Variants in ACOXL observed in about 807,000 individuals in gnomAD.
ACOXL encodes the protein acyl-CoA oxidase like.
ACOXL carries 70 observed loss-of-function variants against 71.9 expected under a neutral mutation model. The observed-to-expected ratio is 0.97, with a 90% CI of 0.80 to 1.19. The LOEUF is 1.19. Among genes scored for constraint, ACOXL ranks in the 50% most tolerant of loss-of-function variants. The probability of loss-of-function intolerance (pLI) is 0.00; values close to 1 mark genes in which losing one functional copy is unlikely to be tolerated. For missense variants in ACOXL, 703 were observed against 736.3 expected (o/e 0.95, Z 0.52); for synonymous variants, 253 against 281.6 (o/e 0.90, Z 1.02).
At chr2:111,051,201 AT>A (rs142558373) in intron 16 of ACOXL, among the ~76,000 whole-genome samples, 41 of 152,144 alleles carry the variant, frequency 2.7e-4, no homozygotes, top group African/African-American at 9.2e-4. Flanking sequence ...CTATTTTATG[AT>A]TTTTTTTAGG....
chr2:110,767,923 A>AACAC lies in ACOXL; in HGVS notation c.-22-391_-22-388dup, dbSNP rs58524964. On this transcript the variant is annotated intron_variant, in intron 1 of 17. Transcript: ENST00000439055. ...ATATGGCGAAACCCTGTCTCTACTA[A>AACAC]ACACACACACACACACACACACACA... 3.4e-3 allele frequency among the ~76,000 whole-genome samples: 388 copies of AACAC among 114,446 alleles called. 3 individuals carry two copies. The highest frequency in any genetic ancestry group is 4.9e-3 in the African/African-American group (141 of 28,952). The allele number at this position is 114,446 out of a possible 152,430, so 75.1% of individuals were successfully genotyped here.
chr2:110,746,732 G>A lies in ACOXL; in HGVS notation c.-23+13958G>A, dbSNP rs112519982. On this transcript the variant is annotated intron_variant, in intron 1 of 17. Transcript: ENST00000439055. ...GTGCCTTAAATTGACTTAGGTCAGC[G>A]AACTACCGAAGAAACAGGATATACT... Among the ~76,000 whole-genome samples the A allele has an allele frequency of 4.5e-4, 69 of 152,186 alleles. 1 individual carries two copies. The highest frequency in any genetic ancestry group is 1.4e-3 in the African/African-American group (58 of 41,520).
In ACOXL at chr2:110,742,955, A is replaced by G. The variant is rs143300004; in HGVS notation, c.-23+10181A>G. ...CATACAACTAACCATTTTAAAGTGT[A>G]CAATTCAGTGGCATTTAGTGTGTTC... On this transcript the variant is annotated intron_variant, in intron 1 of 17. Transcript: ENST00000439055. Among the ~76,000 whole-genome samples, 216 of 152,348 alleles carry G rather than the reference A, an allele frequency of 1.4e-3. 1 individual carries two copies. Among genetic ancestry groups the G allele is most frequent in the Middle Eastern group, 3.4e-3 (1 of 294 alleles).
At chr2:110,981,497 A>T (rs561514901) in intron 12 of ACOXL, among the ~76,000 whole-genome samples, 1 of 152,368 alleles carries the variant, frequency 6.6e-6, no homozygotes, top group East Asian at 1.9e-4. Context: ...CAAAGTTGTC[A>T]TGAAGATTAA....
At chr2:110,901,536 G>C (rs2149203344) in intron 10 of ACOXL, among the ~76,000 whole-genome samples, 1 of 152,212 alleles carries the variant, frequency 6.6e-6, no homozygotes, top group East Asian at 1.9e-4. Context: ...GTTATTTGTT[G>C]AGTTTTCTCA....
chr2:110,874,783 C>A lies in ACOXL; in HGVS notation c.788+33378C>A, dbSNP rs187817865. On this transcript the variant is annotated intron_variant, in intron 10 of 17. Coordinates refer to ENST00000439055, the MANE Select transcript of ACOXL (RefSeq NM_001142807.4). ...TTAGAATGATTGGGTTTATTATTCG[C>A]ATCATTTTCTGAATTTCAGGAGGAT... 1.4e-3 allele frequency among the ~76,000 whole-genome samples: 215 copies of A among 152,266 alleles called. 2 individuals carry two copies. Among genetic ancestry groups the A allele is most frequent in the African/African-American group, 4.4e-3 (182 of 41,546 alleles).
At chr2:110,832,975 G>T (rs1053785812) in intron 9 of ACOXL, among the ~76,000 whole-genome samples, 1 of 152,176 alleles carries the variant, frequency 6.6e-6, no homozygotes, top group Non-Finnish European at 1.5e-5. Flanking sequence ...TACATTTCTG[G>T]TGAGATCATC....
chr2:111,089,067 G>A lies in ACOXL; in HGVS notation c.1441-3798G>A, dbSNP rs528073458. Among the ~76,000 whole-genome samples, 236 of 152,250 alleles carry A rather than the reference G, an allele frequency of 1.6e-3. 2 individuals carry two copies. Among genetic ancestry groups the A allele is most frequent in the Admixed American group, 3.5e-3 (54 of 15,294 alleles). ...TGTAATCCCAGCACTTTGGGAGGCC[G>A]AGGCAGGTGGATCACAAGGTCAAGA... On this transcript the variant is annotated intron_variant, in intron 16 of 17. Transcript: ENST00000439055.
At chr2:111,068,630 A>T (rs2067187997) in intron 16 of ACOXL, among the ~76,000 whole-genome samples, 1 of 152,196 alleles carries the variant, frequency 6.6e-6, no homozygotes, top group Non-Finnish European at 1.5e-5. Flanking sequence ...TCAAGTTATT[A>T]CTGGATGGGC....
intron 10 of ACOXL, among the ~76,000 whole-genome samples, chr2:110,843,034 G>C (rs1559333524): frequency 1.3e-5 from 2 of 152,162 alleles, no homozygotes; most frequent in East Asian, 3.8e-4. Flanking sequence ...GTGCGCACAC[G>C]GACCCCTAAC....
At chr2:110,975,937 A>C (rs909328093) in intron 12 of ACOXL, among the ~76,000 whole-genome samples, 4 of 152,214 alleles carry the variant, frequency 2.6e-5, no homozygotes, top group African/African-American at 9.6e-5. Context: ...TTTTTGATGG[A>C]TAATCAGTCT....
chr2:110,959,442 A>T (rs2061618747), intron 12 of ACOXL, among the ~76,000 whole-genome samples: 1 of 152,106 alleles, frequency 6.6e-6, no homozygotes, highest in Non-Finnish European at 1.5e-5. Flanking sequence ...TTAAGTGCGA[A>T]GTCTTTATTC....
In ACOXL at chr2:110,912,537, A is replaced by G. The variant is rs554743381; in HGVS notation, c.905+3632A>G. The stretch of plus-strand genomic sequence containing the variant: ...AAAGAAAGAATACTCTTTTCAATAA[A>G]TGGTGCTAGGACAACTGGATATTGA... On this transcript the variant is annotated intron_variant, in intron 11 of 17. Coordinates refer to ENST00000439055, the MANE Select transcript of ACOXL (RefSeq NM_001142807.4). Among the ~76,000 whole-genome samples, 100 of 152,262 alleles carry G rather than the reference A, an allele frequency of 6.6e-4. 2 individuals carry two copies. Among genetic ancestry groups the G allele is most frequent in the African/African-American group, 2.4e-3 (98 of 41,578 alleles).
At chr2:110,789,120 G>T (rs1008255678) in intron 3 of ACOXL, among the ~76,000 whole-genome samples, 1 of 152,356 alleles carries the variant, frequency 6.6e-6, no homozygotes, top group South Asian at 2.1e-4. Flanking sequence ...ACACAGCCAA[G>T]TGCTGGCAGG....
At chr2:110,794,806 A>G (rs929831401) in intron 5 of ACOXL, among the ~76,000 whole-genome samples, 9 of 144,100 alleles carry the variant, frequency 6.2e-5, no homozygotes, top group Non-Finnish European at 1.1e-4. Flanking sequence ...CTTCCTTTCC[A>G]TTCCCTTCTT....
intron 14 of ACOXL, among the ~76,000 whole-genome samples, chr2:111,015,423 C>T (rs886634975): frequency 4.6e-5 from 7 of 152,304 alleles, no homozygotes; most frequent in East Asian, 1.9e-4. Flanking sequence ...TGAAACACCA[C>T]GACACACCCA....
At chr2:110,786,640 T>G (rs1683995815) in intron 3 of ACOXL, among the ~76,000 whole-genome samples, 1 of 152,128 alleles carries the variant, frequency 6.6e-6, no homozygotes, top group Non-Finnish European at 1.5e-5. Context: ...TGAGGACAGC[T>G]CCACAGGTGG....
chr2:110,862,034 G>A (rs547700511), intron 10 of ACOXL, among the ~76,000 whole-genome samples: 19 of 152,256 alleles, frequency 1.2e-4, no homozygotes, highest in East Asian at 3.9e-4. Context: ...TCCTCTCTCC[G>A]TTCTGGAGGC....
chr2:111,041,591 T>C (rs1019513424), intron 15 of ACOXL, among the ~76,000 whole-genome samples: 1 of 133,368 alleles, frequency 7.5e-6, no homozygotes, highest in African/African-American at 2.8e-5. Context: ...GGCTGCCGCC[T>C]CTGGCTGCCC....
Sources: allele counts gnomAD v4.1 joint callset (sites outside exome capture counted in the v4.1 genomes callset), GRCh38; gene constraint gnomAD v4.1.1; transcripts MANE v1.5; gene names NCBI Gene and HGNC (gene_info 2026-07-23, HGNC 2026-07-21).